The following CALN1 variants were observed in gnomAD, a reference collection of about 807,000 sequenced individuals.
CALN1 encodes the protein calneuron 1, also known as calcium-binding protein 8.
Under a neutral mutation model 30.6 loss-of-function variants are expected in CALN1, and 17 were observed. The observed-to-expected ratio is 0.56, with a 90% CI of 0.38 to 0.83. The LOEUF is 0.83. Among genes scored for constraint, CALN1 ranks in the 40% least tolerant of loss-of-function variants. CALN1 has a pLI of 0.00. For synonymous variants in CALN1, 156 were observed against 131.4 expected (o/e 1.19, Z -1.28); for missense variants, 291 against 354.9 (o/e 0.82, Z 1.45).
chr7:71,860,001 T>C (rs71551226), intron 5 of CALN1, among the ~76,000 whole-genome samples: 5,106 of 152,256 alleles, frequency 0.034, 118 homozygotes, highest in Non-Finnish European at 0.058. Flanking sequence ...TAGTCTTGCT[T>C]TAAAGAGAAT....
chr7:72,278,124 C>T (rs1303627719), intron 3 of CALN1, among the ~76,000 whole-genome samples: 1 of 151,922 alleles, frequency 6.6e-6, no homozygotes, highest in Non-Finnish European at 1.5e-5. Context: ...TATGTCCATC[C>T]CTAACCCCTG....
At chr7:71,820,313 T>C (rs1788516057) in intron 5 of CALN1, among the ~76,000 whole-genome samples, 2 of 152,178 alleles carry the variant, frequency 1.3e-5, no homozygotes, top group South Asian at 2.1e-4. Context: ...CCAGCCTTTT[T>C]AGACTGAACC....
chr7:71,928,448 C>CA (rs60088732), intron 5 of CALN1, among the ~76,000 whole-genome samples: 32,471 of 99,758 alleles, frequency 0.33, 3,841 homozygotes, highest in Middle Eastern at 0.39. Flanking sequence ...CTTTTAATGG[C>CA]AAAAAAAAAA....
In CALN1 at chr7:72,048,075, A is replaced by C. The variant is rs558889972; in HGVS notation, c.389-24306T>G. ...TTTTTTTTGAGACAGAGTCTTGCTC[A>C]GTCACCCAGGCTGGAGTGCAGTGGC... On this transcript the variant is annotated intron_variant, in intron 4 of 6. Transcript: ENST00000395275. Among the ~76,000 whole-genome samples, 472 of 138,948 alleles carry C rather than the reference A, an allele frequency of 3.4e-3. 2 individuals carry two copies. The highest frequency in any genetic ancestry group is 4.8e-3 in the Non-Finnish European group (315 of 65,860). 91.2% of individuals were successfully genotyped at this position (138,948 alleles called of 152,430 possible). A position where few individuals can be genotyped will look rare whatever the true frequency, so the allele number is the denominator to read the frequency against.
chr7:72,298,245 T>A (rs1585402300), intron 2 of CALN1, among the ~76,000 whole-genome samples: 1 of 152,268 alleles, frequency 6.6e-6, no homozygotes. Flanking sequence ...GCGACTCTTA[T>A]TTGTGTTTGA....
intron 3 of CALN1, among the ~76,000 whole-genome samples, chr7:72,136,088 T>C (rs192548933): frequency 2.6e-5 from 4 of 151,360 alleles, no homozygotes; most frequent in Admixed American, 6.6e-5. Flanking sequence ...TGAGCCAAGA[T>C]TGCACCACTG....
chr7:71,909,588 A>T (rs1794319170), intron 5 of CALN1, among the ~76,000 whole-genome samples: 1 of 152,214 alleles, frequency 6.6e-6, no homozygotes, highest in African/African-American at 2.4e-5. Context: ...AGAGAATGAA[A>T]TTAGGCAGAC....
intron 5 of CALN1, among the ~76,000 whole-genome samples, chr7:71,822,381 T>C (rs1788647637): frequency 6.6e-6 from 1 of 152,200 alleles, no homozygotes; most frequent in Non-Finnish European, 1.5e-5. Context: ...CCCGAGTAGC[T>C]GGGATTACAG....
intron 3 of CALN1, among the ~76,000 whole-genome samples, chr7:72,202,380 A>C (rs1791501644): frequency 6.6e-6 from 1 of 152,192 alleles, no homozygotes; most frequent in Admixed American, 6.5e-5. Flanking sequence ...GAACAAAAAC[A>C]ACAAACTAAT....
rs995392184 is a variant in CALN1 at position 71,780,604 on chromosome 7, A to G, written c.*7171T>C. 2 of 152,006 alleles carry G rather than the reference A, an allele frequency of 1.3e-5. No individual in the cohort carries two copies. The highest frequency in any genetic ancestry group is 3.2e-3 in the Middle Eastern group (1 of 316). 9.4% of individuals were successfully genotyped at this position (152,006 alleles called of 1,614,324 possible). A position where few individuals can be genotyped will look rare whatever the true frequency, so the allele number is the denominator to read the frequency against. ...GCGACTGTTAATCTAATTCCTCACA[A>G]TCACCAAAGATCACGACTCTCTTCT... On this transcript the variant is annotated 3_prime_UTR_variant, in exon 7 of 7. Coordinates refer to ENST00000395275, the MANE Select transcript of CALN1 (RefSeq NM_031468.4).
intron 5 of CALN1, among the ~76,000 whole-genome samples, chr7:71,877,753 T>C (rs139947796): frequency 9.2e-5 from 14 of 152,302 alleles, no homozygotes; most frequent in Non-Finnish European, 1.9e-4. Context: ...CAATGCCCCA[T>C]TGGAACCACA....
chr7:71,846,920 G>A (rs1240581329), intron 5 of CALN1, among the ~76,000 whole-genome samples: 1 of 141,776 alleles, frequency 7.1e-6, no homozygotes. Flanking sequence ...ATACATATAT[G>A]TATATTATAT....
intron 3 of CALN1, among the ~76,000 whole-genome samples, chr7:72,169,212 A>G (rs1055066763): frequency 2.0e-5 from 3 of 152,114 alleles, no homozygotes; most frequent in Admixed American, 1.3e-4. Flanking sequence ...CACCACATAA[A>G]AAGAACTTAA....
At chr7:72,452,302 C>T in the CALN1 span, among the ~76,000 whole-genome samples, 1 of 152,066 alleles carries the variant, frequency 6.6e-6, no homozygotes, top group Admixed American at 6.6e-5. Context: ...TCTGTCCCCT[C>T]CAAATCTCAT....
chr7:72,209,020 CCT>C (rs1491315730), intron 3 of CALN1, among the ~76,000 whole-genome samples: 6 of 16,088 alleles, frequency 3.7e-4, no homozygotes, highest in Middle Eastern at 0.031. Context: ...CTCTTTCCTT[CCT>C]TCCCTCCTTC....
At chr7:72,234,222 G>A (rs1794319116) in intron 3 of CALN1, among the ~76,000 whole-genome samples, 1 of 152,116 alleles carries the variant, frequency 6.6e-6, no homozygotes, top group Non-Finnish European at 1.5e-5. Flanking sequence ...ACAGAGCACA[G>A]AGAAAAGCTG....
At chr7:72,053,311 T>C (rs1802959360) in intron 4 of CALN1, among the ~76,000 whole-genome samples, 1 of 152,168 alleles carries the variant, frequency 6.6e-6, no homozygotes, top group Admixed American at 6.5e-5. Context: ...GTAAAAAGCA[T>C]GATTTTCAAA....
intron 3 of CALN1, among the ~76,000 whole-genome samples, chr7:72,115,164 T>C (rs1396936356): frequency 7.5e-6 from 1 of 133,806 alleles, no homozygotes; most frequent in Non-Finnish European, 1.5e-5. Flanking sequence ...CACATTATTA[T>C]ATACTGTATA....
chr7:72,205,551 A>AAATATATACATATATGTAT, intron 3 of CALN1, among the ~76,000 whole-genome samples: 1 of 83,052 alleles, frequency 1.2e-5, no homozygotes, highest in Non-Finnish European at 2.0e-5. Flanking sequence ...GCAAAAAAAA[A>AAATATATACATATATGTAT]ATATATATAT....
Sources: gnomAD v4.1 joint callset for allele counts (sites outside exome capture counted in the v4.1 genomes callset) on GRCh38, gnomAD v4.1.1 for gene constraint, MANE v1.5 for transcripts, NCBI Gene and HGNC (gene_info 2026-07-23, HGNC 2026-07-21) for gene names.